The following PTPRD variants were observed in gnomAD, a reference collection of about 807,000 sequenced individuals.
The protein encoded by PTPRD is protein tyrosine phosphatase receptor type D.
In PTPRD, 34 loss-of-function variants were observed where a neutral mutation model predicts 214.5. The ratio of observed to expected loss-of-function variants is 0.16; its 90% CI spans 0.12 to 0.21. The LOEUF (loss-of-function observed/expected upper bound fraction) is 0.21. Among genes scored for constraint, PTPRD ranks in the 10% least tolerant of loss-of-function variants. PTPRD has a pLI of 1.00. For synonymous variants in PTPRD, 1,128 were observed against 845.7 expected (o/e 1.33, Z -5.79); for missense variants, 2,545 against 2,398.7 (o/e 1.06, Z -1.27).
chr9:9,094,371 A>T (rs973113189), intron 10 of PTPRD, among the ~76,000 whole-genome samples: 1 of 152,210 alleles, frequency 6.6e-6, no homozygotes, highest in Non-Finnish European at 1.5e-5. Context: ...ATTTTGCAGC[A>T]GCTTGGATGG....
chr9:9,190,063 G>A lies in PTPRD; in HGVS notation c.-202-6700C>T, dbSNP rs142129718. Among the ~76,000 whole-genome samples the A allele has an allele frequency of 2.8e-3, 424 of 152,212 alleles. 2 individuals are homozygous for A. The highest frequency in any genetic ancestry group is 9.8e-3 in the African/African-American group (408 of 41,558). On this transcript the variant is annotated intron_variant, in intron 9 of 45. Coordinates refer to ENST00000381196, the MANE Select transcript of PTPRD (RefSeq NM_002839.4). The stretch of plus-strand genomic sequence containing the variant: ...GAAGAATATGTAGCCAATGGCTATG[G>A]TTTGAATGTGTCCTCCAAAGTTCAT...
At chr9:9,657,682 T>C (rs2096545745) in intron 7 of PTPRD, among the ~76,000 whole-genome samples, 1 of 152,222 alleles carries the variant, frequency 6.6e-6, no homozygotes, top group Non-Finnish European at 1.5e-5. Context: ...TTTGTTTTTA[T>C]TATTGGCAGA....
intron 2 of PTPRD, among the ~76,000 whole-genome samples, chr9:10,431,502 T>C (rs1022319103): frequency 3.3e-5 from 5 of 151,892 alleles, no homozygotes; most frequent in East Asian, 1.9e-4. Context: ...ACAGGCAACC[T>C]ACAAAATGGG....
At chr9:8,590,202 T>C (rs1359988119) in intron 14 of PTPRD, among the ~76,000 whole-genome samples, 1 of 152,132 alleles carries the variant, frequency 6.6e-6, no homozygotes, top group African/African-American at 2.4e-5. Flanking sequence ...GAATCAAATA[T>C]AGACTTCCTT....
At chr9:9,912,485 G>C (rs1406565321) in intron 5 of PTPRD, among the ~76,000 whole-genome samples, 2 of 152,130 alleles carry the variant, frequency 1.3e-5, no homozygotes, top group African/African-American at 4.8e-5. Context: ...TATGAATTAA[G>C]GTTGAGATTG....
At chr9:8,932,050 T>C (rs1479710174) in intron 11 of PTPRD, among the ~76,000 whole-genome samples, 1 of 152,228 alleles carries the variant, frequency 6.6e-6, no homozygotes, top group African/African-American at 2.4e-5. Flanking sequence ...GATTCTTCTC[T>C]CTTTTCTTCT....
chr9:10,475,841 T>C (rs2099059193), intron 2 of PTPRD, among the ~76,000 whole-genome samples: 1 of 151,906 alleles, frequency 6.6e-6, no homozygotes, highest in Non-Finnish European at 1.5e-5. Context: ...TATCAATAAA[T>C]GTAATCCATC....
intron 7 of PTPRD, among the ~76,000 whole-genome samples, chr9:9,652,075 T>A (rs1042284012): frequency 7.2e-5 from 11 of 151,988 alleles, no homozygotes; most frequent in Non-Finnish European, 1.6e-4. Context: ...TCTACTGACC[T>A]CGTGATCCGC....
At chr9:8,801,679 G>A (rs1345161151) in intron 11 of PTPRD, among the ~76,000 whole-genome samples, 1 of 152,150 alleles carries the variant, frequency 6.6e-6, no homozygotes, top group African/African-American at 2.4e-5. Context: ...TGGCCTCACT[G>A]CACTCCAGCC....
chr9:8,683,785 G>A (rs1466454247), intron 12 of PTPRD, among the ~76,000 whole-genome samples: 2 of 152,186 alleles, frequency 1.3e-5, no homozygotes, highest in East Asian at 1.9e-4. Context: ...GGCTTCTGCC[G>A]ACTCTCCTTC....
At chr9:9,289,269 TA>T (rs1200428811) in intron 9 of PTPRD, among the ~76,000 whole-genome samples, 3 of 151,902 alleles carry the variant, frequency 2.0e-5, no homozygotes, top group African/African-American at 7.2e-5. Flanking sequence ...ATGCTAAAGA[TA>T]ACTTGGTTCA....
At chr9:9,444,544 A>G (rs2089658658) in intron 8 of PTPRD, among the ~76,000 whole-genome samples, 1 of 152,188 alleles carries the variant, frequency 6.6e-6, no homozygotes, top group Non-Finnish European at 1.5e-5. Flanking sequence ...CAGTGCTCTA[A>G]TAAACACAGA....
At chr9:10,094,029 C>T (rs1205780695) in intron 3 of PTPRD, among the ~76,000 whole-genome samples, 1 of 151,268 alleles carries the variant, frequency 6.6e-6, no homozygotes, top group Non-Finnish European at 1.5e-5. Context: ...ACCCCAAAAC[C>T]TCAGCATCAT....
chr9:9,148,542 A>G (rs2099872540), intron 10 of PTPRD, among the ~76,000 whole-genome samples: 2 of 152,158 alleles, frequency 1.3e-5, no homozygotes, highest in African/African-American at 4.8e-5. Flanking sequence ...CATATGGCTG[A>G]CATTTTTGCA....
intron 14 of PTPRD, among the ~76,000 whole-genome samples, chr9:8,593,681 T>C (rs1472624171): frequency 6.6e-6 from 1 of 152,200 alleles, no homozygotes; most frequent in Non-Finnish European, 1.5e-5. Flanking sequence ...TTCGAGGCCA[T>C]ATCCTTAAGA....
At chr9:9,578,450 T>A (rs1369884286) in intron 7 of PTPRD, among the ~76,000 whole-genome samples, 4 of 152,060 alleles carry the variant, frequency 2.6e-5, no homozygotes, top group Non-Finnish European at 5.9e-5. Flanking sequence ...TTACTTCCTC[T>A]TGACTTAATT....
intron 3 of PTPRD, among the ~76,000 whole-genome samples, chr9:10,169,474 A>C (rs1419078945): frequency 3.0e-5 from 2 of 66,302 alleles, no homozygotes; most frequent in Non-Finnish European, 6.6e-5. Context: ...ACTCTGTCTC[A>C]AAAAAAAAAA....
At chr9:9,497,199 T>C (rs1398782755) in intron 8 of PTPRD, among the ~76,000 whole-genome samples, 1 of 152,164 alleles carries the variant, frequency 6.6e-6, no homozygotes, top group Non-Finnish European at 1.5e-5. Flanking sequence ...AATATGAATA[T>C]ATTTAGTGCC....
intron 7 of PTPRD, among the ~76,000 whole-genome samples, chr9:9,733,527 A>C (rs2098237009): frequency 6.6e-6 from 1 of 152,174 alleles, no homozygotes. Flanking sequence ...TGATTATAAC[A>C]TATTGAGAAA....
Sources: gnomAD v4.1 joint callset for allele counts (sites outside exome capture counted in the v4.1 genomes callset) on GRCh38, gnomAD v4.1.1 for gene constraint, MANE v1.5 for transcripts, NCBI Gene and HGNC (gene_info 2026-07-23, HGNC 2026-07-21) for gene names.